TP53BP2: variants seen among roughly 807,000 people sequenced by gnomAD.
TP53BP2 encodes tumor protein p53 binding protein 2.
In TP53BP2, 62 loss-of-function variants were observed where a neutral mutation model predicts 126.2. That is an observed-to-expected ratio of 0.49 (90% CI 0.40 to 0.61). The LOEUF (loss-of-function observed/expected upper bound fraction) is 0.61. Ranked by LOEUF, TP53BP2 falls within the 20% of genes least tolerant of loss-of-function variation. TP53BP2 has a pLI of 0.00. For missense variants in TP53BP2, 1,215 were observed against 1,402.8 expected (o/e 0.87, Z 2.14); for synonymous variants, 485 against 502.9 (o/e 0.96, Z 0.48).
intron 1 of TP53BP2, among the ~76,000 whole-genome samples, chr1:223,831,476 A>ATATAT (rs1553263434): frequency 2.2e-4 from 11 of 50,200 alleles, no homozygotes; most frequent in Non-Finnish European, 3.4e-4. Context: ...TAAAAAAAAA[A>ATATAT]AAAAATATAT....
intron 3 of TP53BP2, among the ~76,000 whole-genome samples, chr1:223,812,182 T>C (rs1662932629): frequency 6.6e-6 from 1 of 152,194 alleles, no homozygotes; most frequent in South Asian, 2.1e-4. Flanking sequence ...TGATTCAGGT[T>C]CCACTCCTGG....
chr1:223,821,629 G>T (rs768747685), intron 1 of TP53BP2, among the ~76,000 whole-genome samples: 18 of 152,126 alleles, frequency 1.2e-4, no homozygotes, highest in Non-Finnish European at 2.5e-4. Flanking sequence ...ATCTGTTTTT[G>T]CCAGTTTTAT....
intron 1 of TP53BP2, among the ~76,000 whole-genome samples, chr1:223,835,398 T>C (rs1210359754): frequency 6.6e-6 from 1 of 152,228 alleles, no homozygotes; most frequent in African/African-American, 2.4e-5. Flanking sequence ...AAAGAACAAA[T>C]ACATTTAGTT....
chr1:223,786,552 TTATA>T (rs1413630942), intron 16 of TP53BP2, among the ~76,000 whole-genome samples: 1 of 150,596 alleles, frequency 6.6e-6, no homozygotes. Flanking sequence ...TATTAACACA[TTATA>T]TATATGTGTG....
At chr1:223,808,052 T>C (rs1441699984) in intron 4 of TP53BP2, among the ~76,000 whole-genome samples, 3 of 152,146 alleles carry the variant, frequency 2.0e-5, no homozygotes, top group Non-Finnish European at 4.4e-5. Flanking sequence ...GACCAATGCA[T>C]GTGGTATTGA....
At chr1:223,783,850 A>G (rs889811238) in intron 17 of TP53BP2, among the ~76,000 whole-genome samples, 7 of 152,224 alleles carry the variant, frequency 4.6e-5, no homozygotes, top group African/African-American at 7.2e-5. Context: ...TCACAGGCTC[A>G]ATTCCAATCA....
At position 223,831,480 on chromosome 1, in the gene TP53BP2, AATATATATATATAT is replaced by A. The variant is rs10543436; in HGVS notation, c.28-10127_28-10114del. On this transcript the variant is annotated intron_variant, in intron 1 of 17. Transcript: ENST00000343537. ...TATGTACCATCTAAAAAAAAAAAAAAATATATATATATATATATATATATATATATATATATACT... is the reference window on the plus strand; with the variant it reads ...TATGTACCATCTAAAAAAAAAAAAAAATATATATATATATATATATATACT... 3.8e-3 allele frequency among the ~76,000 whole-genome samples: 123 copies of A among 32,466 alleles called. 6 individuals carry two copies. Among genetic ancestry groups the A allele is most frequent in the African/African-American group, 1.0e-2 (114 of 11,418 alleles). The allele number at this position is 32,466 out of a possible 152,430, so 21.3% of individuals were successfully genotyped here. A position where few individuals can be genotyped will look rare whatever the true frequency, so the allele number is the denominator to read the frequency against.
intron 1 of TP53BP2, among the ~76,000 whole-genome samples, chr1:223,831,480 A>AAT (rs10543436): frequency 0.018 from 593 of 32,332 alleles, 3 homozygotes; most frequent in East Asian, 0.039. Flanking sequence ...AAAAAAAAAA[A>AAT]ATATATATAT....
rs755330448 is a variant in TP53BP2, at chr1:223,800,003, G to A, written c.1381C>T (p.Arg461Cys). ...VPLREKEKKVRPFSMFDAVDQ... is the reference protein window; with the variant it reads ...VPLREKEKKVCPFSMFDAVDQ... ...ACTGCATCAAACATTGAGAACGGACGCACTTTCTTCTCTTTCTCCCTCAGC... is the reference window on the plus strand; with the variant it reads ...ACTGCATCAAACATTGAGAACGGACACACTTTCTTCTCTTTCTCCCTCAGC... Residue 461 changes from arginine to cysteine, a missense_variant, in exon 11 of 18, where the codon CGT becomes TGT. Arg to Cys is a radical substitution (Grantham distance 180, BLOSUM62 -3). Coordinates refer to ENST00000343537, the MANE Select transcript of TP53BP2 (RefSeq NM_001031685.3). The A allele has an allele frequency of 1.7e-5, 28 of 1,611,592 alleles. No homozygotes were observed. In the East Asian group the frequency reaches 4.2e-4, roughly 24 times the overall value.
intron 16 of TP53BP2, among the ~76,000 whole-genome samples, chr1:223,784,963 TCA>T (rs1661902769): frequency 6.6e-6 from 1 of 152,186 alleles, no homozygotes; most frequent in Non-Finnish European, 1.5e-5. Flanking sequence ...GGAAAAATCC[TCA>T]GAAGTCCACC....
intron 1 of TP53BP2, among the ~76,000 whole-genome samples, chr1:223,830,537 TA>T (rs929029566): frequency 4.8e-4 from 67 of 139,502 alleles, no homozygotes; most frequent in Non-Finnish European, 5.0e-4. Context: ...GAATTTATCC[TA>T]AAAAAAAAAA....
intron 2 of TP53BP2, among the ~76,000 whole-genome samples, chr1:223,816,054 T>A (rs1358216786): frequency 6.6e-6 from 1 of 152,250 alleles, no homozygotes; most frequent in Non-Finnish European, 1.5e-5. Flanking sequence ...CATTCCTGCC[T>A]ATGTGACTCT....
chr1:223,788,959 G>C, intron 16 of TP53BP2, 49 bp downstream of exon 16: 1 of 1,573,038 alleles, frequency 6.4e-7, no homozygotes, highest in Non-Finnish European at 8.7e-7. Context: ...TGGAGATACA[G>C]AATAAATGAA....
chr1:223,816,836 C>T (rs1663102596), intron 2 of TP53BP2, among the ~76,000 whole-genome samples: 1 of 150,984 alleles, frequency 6.6e-6, no homozygotes, highest in South Asian at 2.1e-4. Context: ...ATGTTGTATA[C>T]CTTAAATATA....
In TP53BP2 at chr1:223,793,346, G is replaced by C. The variant is rs1002573478; in HGVS notation, c.2819C>G (p.Ser940Cys). Residue 940 changes from serine (S) to cysteine (C), a missense_variant, in exon 14 of 18, where the codon TCT (serine) becomes TGT (cysteine). Transcript: ENST00000343537. The part of the protein sequence containing the change: ...FNPLALLLDS[S>C]LEGEFDLVQR... Reference sequence around the variant, plus strand: ...TACAAGGTCAAATTCTCCCTCCAAAGACGAATCTAGCAGTAAAGCAAGGGG... The same window carrying C: ...TACAAGGTCAAATTCTCCCTCCAAACACGAATCTAGCAGTAAAGCAAGGGG... The C allele has an allele frequency of 1.9e-6, 3 of 1,611,236 alleles. No individual in the cohort carries two copies. Among genetic ancestry groups the C allele is most frequent in the Non-Finnish European group, 2.5e-6 (3 of 1,178,852 alleles).
chr1:223,786,339 T>C (rs1661952733), intron 16 of TP53BP2, among the ~76,000 whole-genome samples: 1 of 152,182 alleles, frequency 6.6e-6, no homozygotes, highest in African/African-American at 2.4e-5. Context: ...GGACAGTGGT[T>C]ATGTTCTGTC....
rs145501985 is a variant in TP53BP2 at position 223,784,636 on chromosome 1, G to A, written c.3164-322C>T. ...AAGCTTAGGAACTAAAAAAAGAACT[G>A]TTCAAGTCTAGGATATTAAAAAAGT... On this transcript the variant is annotated intron_variant, in intron 16 of 17. Transcript: ENST00000343537. 1.4e-3 allele frequency among the ~76,000 whole-genome samples: 217 copies of A among 152,242 alleles called. 2 individuals are homozygous for A. The Middle Eastern group carries it at 0.024, about 17-fold the overall frequency.
chr1:223,785,241 G>C (rs1661912082), intron 16 of TP53BP2, among the ~76,000 whole-genome samples: 1 of 152,176 alleles, frequency 6.6e-6, no homozygotes, highest in African/African-American at 2.4e-5. Context: ...CAACTTATGT[G>C]AGCACTACAC....
intron 1 of TP53BP2, among the ~76,000 whole-genome samples, chr1:223,838,240 C>T (rs1224860082): frequency 1.3e-5 from 2 of 152,164 alleles, no homozygotes; most frequent in Non-Finnish European, 2.9e-5. Flanking sequence ...ACTTCCTTTC[C>T]TGTCTCCATG....
Sources: gnomAD v4.1 joint callset for allele counts (sites outside exome capture counted in the v4.1 genomes callset) on GRCh38, gnomAD v4.1.1 for gene constraint, MANE v1.5 for transcripts, NCBI Gene and HGNC (gene_info 2026-07-23, HGNC 2026-07-21) for gene names.